Variants in CELF2 observed in about 807,000 individuals in gnomAD.
The protein encoded by CELF2 is CUGBP Elav-like family member 2, also known as CUG triplet repeat RNA-binding protein 2.
CELF2 carries 8 observed loss-of-function variants against 62.6 expected under a neutral mutation model. The ratio of observed to expected loss-of-function variants is 0.13; its 90% CI spans 0.07 to 0.23. The LOEUF is 0.23. Ranked by LOEUF, CELF2 falls within the 10% of genes least tolerant of loss-of-function variation. The pLI, the probability that CELF2 is intolerant of heterozygous loss-of-function variation, is 1.00. For missense variants in CELF2, 333 were observed against 671.0 expected (o/e 0.50, Z 5.56); for synonymous variants, 258 against 250.0 (o/e 1.03, Z -0.30).
chr10:11,127,711 C>G (rs2058958693), intron 1 of CELF2, among the ~76,000 whole-genome samples: 1 of 152,174 alleles, frequency 6.6e-6, no homozygotes, highest in East Asian at 1.9e-4. Context: ...ATTGTCTGTT[C>G]ATATCCTTTG....
chr10:10,880,051 T>C (rs910168029), intron 1 of CELF2, among the ~76,000 whole-genome samples: 2 of 152,304 alleles, frequency 1.3e-5, no homozygotes, highest in African/African-American at 4.8e-5. Flanking sequence ...GTGCCCAATC[T>C]AATGGGAATC....
intron 1 of CELF2, among the ~76,000 whole-genome samples, chr10:10,853,361 G>GA (rs1210464817): frequency 6.6e-6 from 1 of 152,118 alleles, no homozygotes; most frequent in Non-Finnish European, 1.5e-5. Context: ...GCTCCTATAA[G>GA]AAAAAGAAAG....
At chr10:10,973,256 G>T (rs2050952812) in intron 2 of CELF2, among the ~76,000 whole-genome samples, 1 of 151,358 alleles carries the variant, frequency 6.6e-6, no homozygotes, top group South Asian at 2.1e-4. Context: ...ACTCCAGCCT[G>T]GGGGACAGAG....
At chr10:10,697,666 G>A in the CELF2 span, among the ~76,000 whole-genome samples, 4 of 152,094 alleles carry the variant, frequency 2.6e-5, no homozygotes, top group South Asian at 2.1e-4. Context: ...GCAAAAGGAC[G>A]CTAGCTCTCT....
rs760117688 is a variant in CELF2 at position 11,270,237 on chromosome 10, T to A, written c.619-429T>A. On this transcript the variant is annotated intron_variant, in intron 6 of 12. Coordinates refer to ENST00000633077, the MANE Select transcript of CELF2 (RefSeq NM_001326342.2). The surrounding 1 kb of genome is among the most constrained non-coding windows in gnomAD (Gnocchi z 5.8). ...TGAATGAGAGACATGGCCATTCCCG[T>A]TACAGATTCTCCCCTTTGTCCTCTG... is the stretch of plus-strand genomic sequence containing the variant. Among the ~76,000 whole-genome samples the A allele has an allele frequency of 1.6e-4, 25 of 152,182 alleles. No homozygotes were observed. Among genetic ancestry groups the A allele is most frequent in the Non-Finnish European group, 3.1e-4 (21 of 68,028 alleles).
intron 1 of CELF2, among the ~76,000 whole-genome samples, chr10:11,121,751 G>C (rs1223944020): frequency 1.3e-5 from 2 of 151,732 alleles, no homozygotes; most frequent in South Asian, 4.2e-4. Context: ...AAATGCTTTT[G>C]CTGTGTCTGT....
intron 2 of CELF2, among the ~76,000 whole-genome samples, chr10:11,204,550 G>C (rs2135398755): frequency 6.6e-6 from 1 of 152,356 alleles, no homozygotes; most frequent in East Asian, 1.9e-4. Context: ...CTTGTCGGGG[G>C]CCGGTGGGGG....
In CELF2 at chr10:11,332,967, G is replaced by T. The variant is rs2096057075; in HGVS notation, c.*3914G>T. 6.6e-6 allele frequency: 1 copy of T among 152,600 alleles called. No individual in the cohort carries two copies. The highest frequency in any genetic ancestry group is 2.1e-4 in the South Asian group (1 of 4,830). The allele number at this position is 152,600 out of a possible 1,614,324, so 9.5% of individuals were successfully genotyped here. A position where few individuals can be genotyped will look rare whatever the true frequency, so the allele number is the denominator to read the frequency against. Reference sequence around the variant, plus strand: ...TGTCTCGACACGTACCACGTACGTGGAAACACAAGAGCCCACCACTTGAAT... The same window carrying T: ...TGTCTCGACACGTACCACGTACGTGTAAACACAAGAGCCCACCACTTGAAT... On this transcript the variant is annotated 3_prime_UTR_variant, in exon 13 of 13. Coordinates refer to ENST00000633077, the MANE Select transcript of CELF2 (RefSeq NM_001326342.2).
intron 1 of CELF2, among the ~76,000 whole-genome samples, chr10:10,901,594 T>C (rs1159249302): frequency 6.6e-6 from 1 of 152,200 alleles, no homozygotes; most frequent in African/African-American, 2.4e-5. Context: ...TGTCTGTGAC[T>C]GAGTAGGCAA....
At chr10:11,066,988 C>G (rs933752604) in intron 1 of CELF2, among the ~76,000 whole-genome samples, 5 of 152,194 alleles carry the variant, frequency 3.3e-5, no homozygotes, top group African/African-American at 1.2e-4. Flanking sequence ...TGATAGAACT[C>G]TTGCCTACAG....
In CELF2 at chr10:11,315,792, C is replaced by T. The variant is rs2094924138; in HGVS notation, c.1096+1534C>T. ...GCCTCACTGCCTTGACCCCCATTTC[C>T]GGTACAGCTCCTCGCTCTGACCTTG... On this transcript the variant is annotated intron_variant, in intron 10 of 12. Transcript: ENST00000633077. The surrounding 1 kb of genome is among the most constrained non-coding windows in gnomAD (Gnocchi z 5.8). 1.3e-5 allele frequency among the ~76,000 whole-genome samples: 2 copies of T among 152,228 alleles called. No individual in the cohort carries two copies. Among genetic ancestry groups the T allele is most frequent in the Admixed American group, 6.5e-5 (1 of 15,290 alleles).
chr10:11,192,217 C>T (rs1190571268), intron 2 of CELF2, among the ~76,000 whole-genome samples: 5 of 152,202 alleles, frequency 3.3e-5, no homozygotes. Flanking sequence ...CAAAATACTT[C>T]AAGAGGCGCA....
chr10:10,973,215 A>G (rs1176581077), intron 2 of CELF2, among the ~76,000 whole-genome samples: 1 of 152,004 alleles, frequency 6.6e-6, no homozygotes, highest in Non-Finnish European at 1.5e-5. Flanking sequence ...CAGGAGGCAG[A>G]GGTTGCAGTG....
the CELF2 span, among the ~76,000 whole-genome samples, chr10:10,597,902 A>G: frequency 2.6e-5 from 4 of 151,806 alleles, no homozygotes; most frequent in African/African-American, 7.2e-5. Flanking sequence ...TCTAGGATTA[A>G]TTAATATTAA....
chr10:11,128,895 C>T (rs1004865153), intron 1 of CELF2, among the ~76,000 whole-genome samples: 3 of 152,186 alleles, frequency 2.0e-5, no homozygotes, highest in Non-Finnish European at 4.4e-5. Flanking sequence ...ATTGCCCTGG[C>T]CAGAACTTCC....
chr10:11,235,585 A>T (rs570550021), intron 3 of CELF2, among the ~76,000 whole-genome samples: 1 of 152,358 alleles, frequency 6.6e-6, no homozygotes, highest in East Asian at 1.9e-4. Flanking sequence ...ACTCAAACTC[A>T]TGAAGACTGA....
rs1195310361 is a variant in CELF2, at chr10:11,290,423, C to T, written c.976+1871C>T. 2.6e-5 allele frequency among the ~76,000 whole-genome samples: 4 copies of T among 151,850 alleles called. No individual in the cohort carries two copies. Among genetic ancestry groups the T allele is most frequent in the African/African-American group, 9.7e-5 (4 of 41,302 alleles). On this transcript the variant is annotated intron_variant, in intron 9 of 12. Coordinates refer to ENST00000633077, the MANE Select transcript of CELF2 (RefSeq NM_001326342.2). This position sits in a 1 kb window ranked among gnomAD's most constrained non-coding sequence, Gnocchi z 4.3. ...GTGGTGGACCGCGTCCGTTCCAGCC[C>T]ACGTTGGGAGGAGTGTGAGCTTGTT...
At chr10:11,121,746 C>G (rs969851941) in intron 1 of CELF2, among the ~76,000 whole-genome samples, 3 of 151,576 alleles carry the variant, frequency 2.0e-5, no homozygotes, top group Admixed American at 1.3e-4. Context: ...GAAAAAAATG[C>G]TTTTGCTGTG....
chr10:10,602,344 G>T, the CELF2 span, among the ~76,000 whole-genome samples: 2 of 152,024 alleles, frequency 1.3e-5, no homozygotes, highest in African/African-American at 4.8e-5. Context: ...TTTGAACCCT[G>T]GTTACAAGTC....
Sources: allele counts gnomAD v4.1 joint callset (sites outside exome capture counted in the v4.1 genomes callset), GRCh38; gene constraint gnomAD v4.1.1; non-coding constraint Gnocchi (gnomAD v3.1); transcripts MANE v1.5; gene names NCBI Gene and HGNC (gene_info 2026-07-23, HGNC 2026-07-21).